The following ITGB5 variants were observed in gnomAD, a reference collection of about 807,000 sequenced individuals.
ITGB5 encodes the protein integrin subunit beta 5.
In ITGB5, 38 loss-of-function variants were observed where a neutral mutation model predicts 84.8. That is an observed-to-expected ratio of 0.45 (90% CI 0.35 to 0.59). The LOEUF (loss-of-function observed/expected upper bound fraction) is 0.59. Ranked by LOEUF, ITGB5 falls within the 20% of genes least tolerant of loss-of-function variation. The pLI is 0.01. For synonymous variants in ITGB5, 393 were observed against 414.4 expected (o/e 0.95, Z 0.63); for missense variants, 905 against 1,034.5 (o/e 0.87, Z 1.72).
At chr3:124,829,876 C>T (rs978717641) in intron 5 of ITGB5, among the ~76,000 whole-genome samples, 9 of 152,208 alleles carry the variant, frequency 5.9e-5, no homozygotes, top group African/African-American at 1.9e-4. Flanking sequence ...CTTTTAAGAC[C>T]AGCAGACCTA....
intron 2 of ITGB5, among the ~76,000 whole-genome samples, chr3:124,866,003 T>C (rs763851504): frequency 6.6e-6 from 1 of 152,056 alleles, no homozygotes. Context: ...ATATTTTGTT[T>C]GTTTGTTTTT....
At chr3:124,900,652 C>T (rs1207960098) in intron 1 of ITGB5, among the ~76,000 whole-genome samples, 1 of 152,178 alleles carries the variant, frequency 6.6e-6, no homozygotes, top group Non-Finnish European at 1.5e-5. Flanking sequence ...TAATCTCCAA[C>T]CTTGCTTTTT....
chr3:124,777,746 C>T (rs2063945512), intron 10 of ITGB5, among the ~76,000 whole-genome samples: 1 of 152,220 alleles, frequency 6.6e-6, no homozygotes, highest in South Asian at 2.1e-4. Flanking sequence ...TTGGTTGAAA[C>T]CAAGACTTCC....
rs367896544 is a variant in ITGB5, at chr3:124,843,587, A to G, written c.612-2036T>C. 2.6e-4 allele frequency among the ~76,000 whole-genome samples: 40 copies of G among 152,328 alleles called. No homozygotes were observed. In the East Asian group the frequency reaches 5.0e-3, roughly 19 times the overall value. On this transcript the variant is annotated intron_variant, in intron 4 of 14. Transcript: ENST00000296181. ...TTTGCCAGAGAGAAGCCTTCATTGT[A>G]GAGAATTTACTATAACCAAGTCAGA...
At chr3:124,854,585 C>T (rs933454516) in intron 3 of ITGB5, among the ~76,000 whole-genome samples, 2 of 152,108 alleles carry the variant, frequency 1.3e-5, no homozygotes, top group African/African-American at 2.4e-5. Context: ...CGAGTGGATA[C>T]CAGCGGCTGA....
chr3:124,777,768 A>G (rs935397134), intron 10 of ITGB5, among the ~76,000 whole-genome samples: 3 of 152,236 alleles, frequency 2.0e-5, no homozygotes, highest in African/African-American at 4.8e-5. Context: ...AGACTCCTTC[A>G]GAAAGCGTGA....
intron 8 of ITGB5, among the ~76,000 whole-genome samples, chr3:124,812,772 A>G (rs1254126037): frequency 6.6e-6 from 1 of 152,240 alleles, no homozygotes; most frequent in Non-Finnish European, 1.5e-5. Context: ...TGTGTACACC[A>G]GACTTGATTC....
chr3:124,803,451 C>G (rs562922386), intron 9 of ITGB5, among the ~76,000 whole-genome samples: 1 of 152,172 alleles, frequency 6.6e-6, no homozygotes, highest in Non-Finnish European at 1.5e-5. Flanking sequence ...AGCAGTAATG[C>G]CCCCACCACA....
rs2107617776 is a variant in ITGB5, at chr3:124,859,296, C to T, written c.307G>A (p.Gly103Ser). 6.2e-7 allele frequency: 1 copy of T among 1,614,154 alleles called. No individual in the cohort carries two copies. The highest frequency in any genetic ancestry group is 8.5e-7 in the Non-Finnish European group (1 of 1,180,032). The change falls in exon 3 of 15, where the codon GGC becomes AGC. Residue 103 changes from glycine (G) to serine (S), a missense_variant. Gly to Ser is a moderately conservative substitution (Grantham distance 56, BLOSUM62 0). Transcript: ENST00000296181. ...PLSSKGSGSA[G>S]WDVIQMTPQE... is the part of the protein sequence containing the mutation. ...GGTGTCATCTGAATGACGTCCCAGC[C>T]TGCAGAGCCCGAACCCTTGCTGCTG...
chr3:124,767,620 G>T (rs1488238248), intron 12 of ITGB5, among the ~76,000 whole-genome samples: 1 of 152,124 alleles, frequency 6.6e-6, no homozygotes, highest in South Asian at 2.1e-4. Flanking sequence ...ACCTGAGGTC[G>T]GCCAGGCCCT....
At chr3:124,868,077 TCTC>T (rs1166956821) in intron 2 of ITGB5, among the ~76,000 whole-genome samples, 3 of 152,116 alleles carry the variant, frequency 2.0e-5, no homozygotes, top group Non-Finnish European at 4.4e-5. Context: ...GCTCAGCACT[TCTC>T]CTTCCTGACA....
chr3:124,802,872 T>C (rs962573723), intron 9 of ITGB5, among the ~76,000 whole-genome samples: 3 of 152,106 alleles, frequency 2.0e-5, no homozygotes, highest in African/African-American at 4.8e-5. Context: ...GCCCTCGCAG[T>C]GGAGTCAGGG....
intron 4 of ITGB5, among the ~76,000 whole-genome samples, chr3:124,845,241 T>C (rs1162942424): frequency 6.6e-6 from 1 of 152,246 alleles, no homozygotes; most frequent in Non-Finnish European, 1.5e-5. Flanking sequence ...AAGACCAGCC[T>C]GGCCAACATG....
At chr3:124,897,821 G>A (rs989216386) in intron 1 of ITGB5, among the ~76,000 whole-genome samples, 5 of 152,130 alleles carry the variant, frequency 3.3e-5, no homozygotes, top group African/African-American at 1.2e-4. Flanking sequence ...GTGAAGGAAG[G>A]GAGAGAAACA....
chr3:124,874,063 TA>T (rs34076180), intron 1 of ITGB5, among the ~76,000 whole-genome samples: 112,020 of 142,390 alleles, frequency 0.79, 43,724 homozygotes, highest in East Asian at 0.87. Context: ...ATAGGTCAAA[TA>T]AAAAAAAAAA....
rs1397985645 is a variant in ITGB5, at chr3:124,861,493, T to TACACACACACAC, written c.157-2048_157-2047insGTGTGTGTGTGT. Among the ~76,000 whole-genome samples, 246 of 84,906 alleles carry TACACACACACAC rather than the reference T, an allele frequency of 2.9e-3. 1 individual carries two copies. The highest frequency in any genetic ancestry group is 0.025 in the South Asian group (72 of 2,854). 55.7% of individuals were successfully genotyped at this position (84,906 alleles called of 152,430 possible). ...AAACAAAACAAAACATATATATATA[T>TACACACACACAC]ATACACACACACACACACACACACA... is the stretch of plus-strand genomic sequence containing the variant. On this transcript the variant is annotated intron_variant, in intron 2 of 14. Transcript: ENST00000296181.
chr3:124,780,470 C>G (rs2063987692), intron 10 of ITGB5, among the ~76,000 whole-genome samples: 1 of 152,256 alleles, frequency 6.6e-6, no homozygotes, highest in Non-Finnish European at 1.5e-5. Context: ...ATAGTTTCCA[C>G]TAGCTCTGGA....
intron 4 of ITGB5, among the ~76,000 whole-genome samples, chr3:124,846,368 T>A (rs1164074482): frequency 6.6e-6 from 1 of 150,656 alleles, no homozygotes; most frequent in African/African-American, 2.4e-5. Context: ...ATCCCTGAGT[T>A]ACTGCATGGA....
At chr3:124,811,905 T>C (rs2064509532) in intron 8 of ITGB5, among the ~76,000 whole-genome samples, 1 of 152,152 alleles carries the variant, frequency 6.6e-6, no homozygotes, top group Non-Finnish European at 1.5e-5. Context: ...CCCAGGGCTC[T>C]TTCTAATCCC....
Sources: allele counts gnomAD v4.1 joint callset (sites outside exome capture counted in the v4.1 genomes callset), GRCh38; gene constraint gnomAD v4.1.1; transcripts MANE v1.5; gene names NCBI Gene and HGNC (gene_info 2026-07-23, HGNC 2026-07-21).